Variants in VRK2 observed in about 807,000 individuals in gnomAD.
VRK2 encodes serine/threonine-protein kinase VRK2.
VRK2 carries 60 observed loss-of-function variants against 57.6 expected under a neutral mutation model. The observed-to-expected ratio is 1.04, with a 90% CI of 0.85 to 1.29. The LOEUF (loss-of-function observed/expected upper bound fraction) is 1.29. Among genes scored for constraint, VRK2 ranks in the 50% most tolerant of loss-of-function variants. The probability of loss-of-function intolerance (pLI) is 0.00; values close to 1 mark genes in which losing one functional copy is unlikely to be tolerated. For missense variants in VRK2, 705 were observed against 588.1 expected (o/e 1.20, Z -2.06); for synonymous variants, 231 against 199.2 (o/e 1.16, Z -1.35).
chr2:57,996,577 G>T (rs1416089601), intron 1 of VRK2, among the ~76,000 whole-genome samples: 1 of 152,078 alleles, frequency 6.6e-6, no homozygotes, highest in Non-Finnish European at 1.5e-5. Flanking sequence ...ATAGAGAATT[G>T]GTTACAACTG....
rs140578243 is a variant in VRK2 at position 58,036,240 on chromosome 2, G to A, written c.-6+2687G>A. Reference sequence around the variant, plus strand: ...CAGTATTGTATATCCTTTTCCACCAGGAAAGGGAGTATTTTTGATATAATA... The same window carrying A: ...CAGTATTGTATATCCTTTTCCACCAAGAAAGGGAGTATTTTTGATATAATA... On this transcript the variant is annotated intron_variant, in intron 3 of 15. Coordinates refer to the VRK2 transcript ENST00000417641. 3.8e-3 allele frequency among the ~76,000 whole-genome samples: 573 copies of A among 151,792 alleles called. 1 individual carries two copies. The highest frequency in any genetic ancestry group is 0.024 in the Middle Eastern group (7 of 292).
At chr2:58,125,806 G>C (rs1250666868) in intron 8 of VRK2, among the ~76,000 whole-genome samples, 3 of 151,858 alleles carry the variant, frequency 2.0e-5, no homozygotes, top group Non-Finnish European at 4.4e-5. Context: ...ATATATATTT[G>C]CTGACATTTT....
At chr2:58,025,254 C>T (rs1187071229) in intron 1 of VRK2, among the ~76,000 whole-genome samples, 1 of 147,864 alleles carries the variant, frequency 6.8e-6, no homozygotes, top group Admixed American at 6.6e-5. Flanking sequence ...CAAGAAAAGG[C>T]ATTGCTCATA....
intron 7 of VRK2, among the ~76,000 whole-genome samples, chr2:58,097,417 G>C (rs1228855026): frequency 6.6e-6 from 1 of 151,756 alleles, no homozygotes; most frequent in Non-Finnish European, 1.5e-5. Flanking sequence ...GTTGTTTAGG[G>C]GGAGAGGGAC....
intron 7 of VRK2, among the ~76,000 whole-genome samples, chr2:58,113,201 C>T (rs1675838058): frequency 6.6e-6 from 1 of 151,520 alleles, no homozygotes; most frequent in Non-Finnish European, 1.5e-5. Flanking sequence ...CCCAGCTACT[C>T]AGGAGGCTGC....
chr2:57,932,157 T>C (rs140042849), intron 1 of VRK2, among the ~76,000 whole-genome samples: 1 of 151,642 alleles, frequency 6.6e-6, no homozygotes, highest in East Asian at 1.9e-4. Flanking sequence ...ATATATAGCA[T>C]TTTTTTTCCT....
intron 1 of VRK2, among the ~76,000 whole-genome samples, chr2:57,999,100 TGGA>T (rs2103619566): frequency 6.6e-6 from 1 of 152,288 alleles, no homozygotes; most frequent in African/African-American, 2.4e-5. Context: ...TGGGTTCATT[TGGA>T]GGAGGACTTG....
intron 1 of VRK2, among the ~76,000 whole-genome samples, chr2:58,020,710 T>C (rs114105740): frequency 0.016 from 2,411 of 152,352 alleles, 68 homozygotes; most frequent in African/African-American, 0.055. Context: ...ACACTTTCCA[T>C]TGTATAACTT....
chr2:57,973,293 G>C (rs1349719761), intron 1 of VRK2, among the ~76,000 whole-genome samples: 1 of 151,728 alleles, frequency 6.6e-6, no homozygotes, highest in Admixed American at 6.6e-5. Flanking sequence ...CTATTTTTAA[G>C]GGCCAAGCAA....
chr2:58,074,371 T>G (rs1669787818), intron 2 of VRK2, among the ~76,000 whole-genome samples: 2 of 152,120 alleles, frequency 1.3e-5, no homozygotes, highest in African/African-American at 4.8e-5. Context: ...CTTGGTTTTT[T>G]ATCTGTTTTT....
chr2:57,921,300 A>ACACACACACACACT (rs1553360334), intron 1 of VRK2, among the ~76,000 whole-genome samples: 4 of 151,484 alleles, frequency 2.6e-5, no homozygotes, highest in African/African-American at 9.7e-5. Context: ...ACACACACAC[A>ACACACACACACACT]CACACACACA....
intron 7 of VRK2, among the ~76,000 whole-genome samples, chr2:58,109,520 C>T (rs1289248029): frequency 1.3e-5 from 2 of 152,048 alleles, no homozygotes; most frequent in African/African-American, 4.8e-5. Flanking sequence ...GGGGAGGCCC[C>T]AGGTAACTGC....
At chr2:58,146,968 GACA>G (rs1249619527) in intron 12 of VRK2, among the ~76,000 whole-genome samples, 5 of 151,786 alleles carry the variant, frequency 3.3e-5, no homozygotes, top group African/African-American at 1.2e-4. Context: ...AACCTTTTTT[GACA>G]ACAAGGAGAA....
intron 11 of VRK2, among the ~76,000 whole-genome samples, chr2:58,145,141 C>A (rs747671616): frequency 3.3e-5 from 5 of 152,016 alleles, no homozygotes; most frequent in Admixed American, 1.3e-4. Context: ...TAAGGACCTT[C>A]GCTGTAGCTT....
At chr2:58,159,100 A>AGAT (rs1261758123) in intron 12 of VRK2, 13 of 320,226 alleles carry the variant, frequency 4.1e-5, no homozygotes, top group African/African-American at 2.8e-4. Context: ...ATTACTTAAG[A>AGAT]GATGGCCTAC....
At chr2:58,084,011 A>G in intron 2 of VRK2, 78 bp from the exon 3 acceptor site, 10 of 1,490,362 alleles carry the variant, frequency 6.7e-6, no homozygotes, top group Non-Finnish European at 8.2e-6. Flanking sequence ...AATGCTTAGC[A>G]TAGTGTTTGG....
At chr2:57,909,870 T>C (rs1441195954) in intron 1 of VRK2, among the ~76,000 whole-genome samples, 3 of 152,192 alleles carry the variant, frequency 2.0e-5, no homozygotes, top group Non-Finnish European at 2.9e-5. Context: ...TTTGAACCTC[T>C]ATCCTTTTCT....
upstream of VRK2, among the ~76,000 whole-genome samples, chr2:58,044,005 A>G (rs937914967): frequency 1.3e-5 from 2 of 152,236 alleles, no homozygotes; most frequent in South Asian, 2.1e-4. Context: ...AAGATTATAT[A>G]GAGTTTCTGC....
At chr2:58,050,554 T>C (rs1675558823) in intron 2 of VRK2, among the ~76,000 whole-genome samples, 1 of 152,254 alleles carries the variant, frequency 6.6e-6, no homozygotes, top group Non-Finnish European at 1.5e-5. Flanking sequence ...TTTGGTTTTC[T>C]AATATTTGTA....
Sources: gnomAD v4.1 joint callset for allele counts (sites outside exome capture counted in the v4.1 genomes callset) on GRCh38, gnomAD v4.1.1 for gene constraint, MANE v1.5 for transcripts, NCBI Gene and HGNC (gene_info 2026-07-23, HGNC 2026-07-21) for gene names.